Variants in MYRFL observed in about 807,000 individuals in gnomAD.
The protein encoded by MYRFL is myelin regulatory factor-like protein.
A neutral mutation model predicts 109.4 loss-of-function variants in MYRFL; 88 were observed. The ratio of observed to expected loss-of-function variants is 0.80; its 90% CI spans 0.68 to 0.96. MYRFL has a LOEUF of 0.96. Ranked by LOEUF, MYRFL falls within the 40% of genes least tolerant of loss-of-function variation. The probability of loss-of-function intolerance (pLI) is 0.00; values close to 1 mark genes in which losing one functional copy is unlikely to be tolerated. For missense variants in MYRFL, 957 were observed against 954.9 expected, an observed-to-expected ratio of 1.00 and a Z score of -0.03; for synonymous variants, 324 against 320.9, an observed-to-expected ratio of 1.01 and a Z score of -0.10.
At chr12:69,921,434 G>T (rs753605409) in intron 13 of MYRFL, among the ~76,000 whole-genome samples, 9 of 152,138 alleles carry the variant, frequency 5.9e-5, no homozygotes, top group Non-Finnish European at 1.0e-4. Flanking sequence ...GTTCAAATCT[G>T]CTCATACAGA....
In MYRFL at chr12:69,958,520, C is replaced by T. The variant is rs987349721; in HGVS notation, c.2722C>T (p.Arg908Cys). 2.1e-5 allele frequency: 32 copies of T among 1,533,978 alleles called. No homozygotes were observed. The highest frequency in any genetic ancestry group is 5.5e-5 in the African/African-American group (4 of 72,858). The change falls in exon 25 of 25, where the codon CGC (arginine) becomes TGC (cysteine). Residue 908 changes from arginine (R) to cysteine (C), a missense_variant. Transcript: ENST00000552032. ...FTDYFFYFYRRCA is the reference protein window; with the variant it reads ...FTDYFFYFYRCCA ...CGATTACTTCTTTTACTTCTATCGA[C>T]GCTGTGCCTAATTTGTTCAAGTTTG...
intron 10 of MYRFL, among the ~76,000 whole-genome samples, chr12:69,898,012 A>G (rs1351487748): frequency 6.6e-6 from 1 of 152,230 alleles, no homozygotes; most frequent in East Asian, 1.9e-4. Flanking sequence ...GCATGAAGTA[A>G]CAGGTAGCCA....
intron 2 of MYRFL, among the ~76,000 whole-genome samples, chr12:69,868,218 T>C (rs1464492389): frequency 6.6e-6 from 1 of 151,560 alleles, no homozygotes; most frequent in African/African-American, 2.4e-5. Flanking sequence ...GCAATTCTCC[T>C]GCCTCAGCCT....
chr12:69,874,988 T>TTA (rs1565986810), intron 2 of MYRFL, among the ~76,000 whole-genome samples: 5 of 150,588 alleles, frequency 3.3e-5, no homozygotes, highest in Admixed American at 1.3e-4. Context: ...TGTATATATC[T>TTA]AAGATATATA....
rs1885872155 is a variant in MYRFL at position 69,879,009 on chromosome 12, G to A, written c.138-19G>A. The A allele has an allele frequency of 1.4e-6, 1 of 702,730 alleles. No individual in the cohort carries two copies. The highest frequency in any genetic ancestry group is 1.7e-5 in the African/African-American group (1 of 57,230). The allele number at this position is 702,730 out of a possible 1,614,324, so 43.5% of individuals were successfully genotyped here. A position where few individuals can be genotyped will look rare whatever the true frequency, so the allele number is the denominator to read the frequency against. ...GACTAGAGTGAAACAAAAACGCAAT[G>A]TATGTCTCTAATCTTCAGGCAACGC... is the stretch of plus-strand genomic sequence containing the variant. On this transcript the variant is annotated intron_variant, in intron 2 of 24. Coordinates refer to ENST00000552032, the MANE Select transcript of MYRFL (RefSeq NM_182530.3).
chr12:69,934,152 G>A (rs989640670), intron 16 of MYRFL, among the ~76,000 whole-genome samples: 8 of 152,232 alleles, frequency 5.3e-5, no homozygotes, highest in Non-Finnish European at 1.0e-4. Context: ...AGGGGAGACT[G>A]TGACACAGGA....
chr12:69,925,930 G>A (rs1955059865), intron 13 of MYRFL, among the ~76,000 whole-genome samples: 1 of 152,056 alleles, frequency 6.6e-6, no homozygotes, highest in Non-Finnish European at 1.5e-5. Context: ...CATTTTGTCT[G>A]GAGTCTCACT....
Position 69,849,772 on chromosome 12 carries a change from G to C in MYRFL, c.47-5508G>C, listed in dbSNP as rs142741920. The stretch of plus-strand genomic sequence containing the variant: ...TTAGAAAATCATTTTACCCAAAGTT[G>C]TATAAAATATTTTTCCAAAGTTTAA... On this transcript the variant is annotated intron_variant, in intron 1 of 24. Transcript: ENST00000552032. Among the ~76,000 whole-genome samples, 416 of 152,260 alleles carry C rather than the reference G, an allele frequency of 2.7e-3. 1 individual carries two copies. The highest frequency in any genetic ancestry group is 9.7e-3 in the African/African-American group (401 of 41,550).
intron 2 of MYRFL, among the ~76,000 whole-genome samples, chr12:69,867,345 G>T (rs189367549): frequency 7.9e-5 from 12 of 152,226 alleles, no homozygotes; most frequent in Admixed American, 2.6e-4. Flanking sequence ...TTATATGCAC[G>T]TGTGTGCAGG....
At chr12:69,874,334 C>G (rs756319283) in intron 2 of MYRFL, among the ~76,000 whole-genome samples, 1 of 152,136 alleles carries the variant, frequency 6.6e-6, no homozygotes, top group South Asian at 2.1e-4. Context: ...CATGCCACCA[C>G]GCCCTGCTAA....
At chr12:69,939,111 G>C (rs1592872768) in intron 19 of MYRFL, among the ~76,000 whole-genome samples, 3 of 152,304 alleles carry the variant, frequency 2.0e-5, no homozygotes, top group African/African-American at 7.2e-5. Context: ...AGCGAGGCTG[G>C]GGGAGGGGCG....
intron 5 of MYRFL, among the ~76,000 whole-genome samples, chr12:69,880,511 G>A (rs1226849307): frequency 2.0e-5 from 3 of 152,208 alleles, no homozygotes; most frequent in Non-Finnish European, 4.4e-5. Flanking sequence ...CGTCTCAGGT[G>A]TGGGTGAAGT....
intron 21 of MYRFL, among the ~76,000 whole-genome samples, chr12:69,955,144 A>G (rs1592905278): frequency 2.0e-5 from 3 of 152,056 alleles, no homozygotes; most frequent in African/African-American, 7.2e-5. Flanking sequence ...ATAACTTTTT[A>G]TGGTATATTT....
chr12:69,898,208 C>T (rs894296018), intron 10 of MYRFL, among the ~76,000 whole-genome samples: 4 of 152,236 alleles, frequency 2.6e-5, no homozygotes, highest in South Asian at 2.1e-4. Flanking sequence ...TCTCCTTGCC[C>T]GTGTTGAACT....
At chr12:69,919,330 C>T (rs1326975508) in intron 13 of MYRFL, among the ~76,000 whole-genome samples, 1 of 152,164 alleles carries the variant, frequency 6.6e-6, no homozygotes, top group African/African-American at 2.4e-5. Context: ...AAGCCCTTTC[C>T]ACAGAAAATT....
At chr12:69,953,361 G>A (rs991760150) in intron 21 of MYRFL, among the ~76,000 whole-genome samples, 51 of 152,130 alleles carry the variant, frequency 3.4e-4, no homozygotes, top group Admixed American at 1.2e-3. Context: ...AAAAGTTATC[G>A]GGACATCCAT....
At chr12:69,832,515 TGAA>T (rs1403239877) in intron 1 of MYRFL, among the ~76,000 whole-genome samples, 2 of 152,146 alleles carry the variant, frequency 1.3e-5, no homozygotes, top group African/African-American at 2.4e-5. Context: ...GAGAGTCTGA[TGAA>T]GAGAGAGTTA....
At chr12:69,928,374 A>T (rs539460245) in intron 15 of MYRFL, among the ~76,000 whole-genome samples, 28 of 152,210 alleles carry the variant, frequency 1.8e-4, no homozygotes, top group Non-Finnish European at 3.7e-4. Context: ...GCACTTTGTA[A>T]GTAGCTACAA....
intron 2 of MYRFL, among the ~76,000 whole-genome samples, chr12:69,860,122 G>T (rs957280318): frequency 1.1e-4 from 17 of 151,860 alleles, no homozygotes; most frequent in Non-Finnish European, 2.1e-4. Context: ...CCCCCAACAG[G>T]CTCCAGTGTA....
Sources: allele counts gnomAD v4.1 joint callset (sites outside exome capture counted in the v4.1 genomes callset), GRCh38; gene constraint gnomAD v4.1.1; transcripts MANE v1.5; gene names NCBI Gene and HGNC (gene_info 2026-07-23, HGNC 2026-07-21).